The following CNBD1 variants were observed in gnomAD, a reference collection of about 807,000 sequenced individuals.
The protein encoded by CNBD1 is cyclic nucleotide-binding domain-containing protein 1.
A neutral mutation model predicts 54.4 loss-of-function variants in CNBD1; 71 were observed. The ratio of observed to expected loss-of-function variants is 1.30; its 90% CI spans 1.08 to 1.59. The LOEUF is 1.59. Among genes scored for constraint, CNBD1 ranks in the 40% most tolerant of loss-of-function variants. The pLI is 0.00. For synonymous variants in CNBD1, 182 were observed against 170.7 expected (o/e 1.07, Z -0.51); for missense variants, 659 against 518.0 (o/e 1.27, Z -2.64).
At chr8:87,058,565 A>G (rs977788194) in intron 4 of CNBD1, among the ~76,000 whole-genome samples, 3 of 152,182 alleles carry the variant, frequency 2.0e-5, no homozygotes, top group African/African-American at 7.2e-5. Flanking sequence ...CCAAACCTCA[A>G]TTCTTGTCTT....
intron 8 of CNBD1, among the ~76,000 whole-genome samples, chr8:87,340,017 G>A (rs952239951): frequency 1.1e-4 from 17 of 152,152 alleles, no homozygotes; most frequent in Middle Eastern, 3.4e-3. Flanking sequence ...TTGTGGTTTA[G>A]CATCTTTTCA....
rs555742301 is a variant in CNBD1, at chr8:87,236,035, G to T, written c.578-884G>T. On this transcript the variant is annotated intron_variant, in intron 5 of 10. Transcript: ENST00000518476. ...CTCAGAAAAAAAGCAGACATGGCAAGCATTTGATGACTTTTAGGACATTAA... is the reference window on the plus strand; with the variant it reads ...CTCAGAAAAAAAGCAGACATGGCAATCATTTGATGACTTTTAGGACATTAA... Among the ~76,000 whole-genome samples the T allele has an allele frequency of 2.2e-4, 33 of 152,152 alleles. 1 individual carries two copies. In the South Asian group the frequency reaches 6.8e-3, roughly 32 times the overall value.
chr8:87,367,953 C>A (rs980691021), intron 10 of CNBD1, among the ~76,000 whole-genome samples: 1 of 151,900 alleles, frequency 6.6e-6, no homozygotes, highest in African/African-American at 2.4e-5. Flanking sequence ...AGGTGGATCA[C>A]GAGGTCAGGA....
chr8:87,362,902 C>A (rs10283376), intron 10 of CNBD1, among the ~76,000 whole-genome samples: 1 of 151,550 alleles, frequency 6.6e-6, no homozygotes, highest in Admixed American at 6.6e-5. Context: ...AAGTTAAGAA[C>A]GTGCAGGTTT....
At chr8:87,226,047 T>C (rs2130814220) in intron 5 of CNBD1, among the ~76,000 whole-genome samples, 1 of 152,182 alleles carries the variant, frequency 6.6e-6, no homozygotes, top group East Asian at 1.9e-4. Flanking sequence ...TGTAGTATTC[T>C]CTGATGGTAG....
intron 6 of CNBD1, among the ~76,000 whole-genome samples, chr8:87,271,052 G>C (rs906276538): frequency 2.6e-5 from 4 of 151,502 alleles, no homozygotes; most frequent in African/African-American, 9.7e-5. Context: ...TTCTGAATTT[G>C]TCGTTGTATA....
Position 87,137,359 on chromosome 8 carries a change from G to A in CNBD1, c.432-68634G>A, listed in dbSNP as rs1433292983. ...CTACAGGCGCCAGCCACCATGCCAG[G>A]CTAATATTTTTGAATTTTTTTTTTT... On this transcript the variant is annotated intron_variant, in intron 4 of 10. Transcript: ENST00000518476. Among the ~76,000 whole-genome samples the A allele has an allele frequency of 2.6e-5, 4 of 151,218 alleles. No individual in the cohort carries two copies. The East Asian group carries it at 7.7e-4, about 29-fold the overall frequency.
intron 5 of CNBD1, among the ~76,000 whole-genome samples, chr8:87,211,699 G>C (rs149081759): frequency 1.2e-4 from 19 of 152,194 alleles, no homozygotes; most frequent in Middle Eastern, 3.4e-3. Flanking sequence ...TCTCCTTGAG[G>C]CTTCCTCAGA....
At chr8:87,181,344 T>G (rs969556613) in intron 4 of CNBD1, among the ~76,000 whole-genome samples, 4 of 152,204 alleles carry the variant, frequency 2.6e-5, no homozygotes, top group African/African-American at 9.6e-5. Context: ...AATATACAAA[T>G]AACAGCTCCA....
chr8:86,893,734 C>A (rs1256403199), intron 2 of CNBD1, among the ~76,000 whole-genome samples: 2 of 152,092 alleles, frequency 1.3e-5, no homozygotes, highest in Admixed American at 1.3e-4. Context: ...AGCTGACATT[C>A]AAAAAATACT....
Position 87,201,285 on chromosome 8 carries a change from A to C in CNBD1, c.432-4708A>C, listed in dbSNP as rs150910363. Among the ~76,000 whole-genome samples, 4 of 152,200 alleles carry C rather than the reference A, an allele frequency of 2.6e-5. No individual in the cohort carries two copies. In the South Asian group the frequency reaches 8.3e-4, roughly 31 times the overall value. On this transcript the variant is annotated intron_variant, in intron 4 of 10. Transcript: ENST00000518476. Reference sequence around the variant, plus strand: ...CAGTGGAAAACTCACAGCTAACTTGAAGAAAGACTGAATGATTTCTGTTGA... The same window carrying C: ...CAGTGGAAAACTCACAGCTAACTTGCAGAAAGACTGAATGATTTCTGTTGA...
At chr8:87,229,460 T>G (rs919041502) in intron 5 of CNBD1, among the ~76,000 whole-genome samples, 6 of 152,202 alleles carry the variant, frequency 3.9e-5, no homozygotes, top group Non-Finnish European at 8.8e-5. Flanking sequence ...TTAACACCAC[T>G]TTGTGCTCTG....
intron 4 of CNBD1, among the ~76,000 whole-genome samples, chr8:87,094,975 G>A (rs1811288686): frequency 6.6e-6 from 1 of 152,200 alleles, no homozygotes; most frequent in Non-Finnish European, 1.5e-5. Flanking sequence ...GGAGGCAGAG[G>A]TTGCAATGAG....
At chr8:87,385,607 C>T (rs569242564), downstream of CNBD1, among the ~76,000 whole-genome samples, 1 of 152,104 alleles carries the variant, frequency 6.6e-6, no homozygotes, top group Non-Finnish European at 1.5e-5. Flanking sequence ...AGTAGGTAAA[C>T]AAAGTGGCTG....
intron 4 of CNBD1, among the ~76,000 whole-genome samples, chr8:87,151,928 A>G (rs1053179288): frequency 4.6e-5 from 7 of 152,110 alleles, no homozygotes; most frequent in African/African-American, 1.7e-4. Flanking sequence ...TTAAAAGTTT[A>G]GCTTCTTATA....
chr8:86,967,828 TTTG>T (rs963557856), intron 4 of CNBD1, among the ~76,000 whole-genome samples: 11 of 152,106 alleles, frequency 7.2e-5, no homozygotes, highest in Middle Eastern at 3.4e-3. Flanking sequence ...AACCTGCAGT[TTTG>T]TTGTTGTTGT....
chr8:86,871,498 C>T (rs544038556), intron 1 of CNBD1, among the ~76,000 whole-genome samples: 1 of 152,338 alleles, frequency 6.6e-6, no homozygotes, highest in Admixed American at 6.5e-5. Context: ...TCCTTTAAAA[C>T]TTACATTACA....
At chr8:87,345,367 G>T (rs890169201) in intron 8 of CNBD1, among the ~76,000 whole-genome samples, 1 of 152,068 alleles carries the variant, frequency 6.6e-6, no homozygotes, top group Non-Finnish European at 1.5e-5. Flanking sequence ...TACTTGCTTA[G>T]CATCTAATCA....
intron 4 of CNBD1, among the ~76,000 whole-genome samples, chr8:87,073,260 C>G (rs568470693): frequency 1.3e-5 from 2 of 152,104 alleles, no homozygotes; most frequent in Admixed American, 6.5e-5. Flanking sequence ...CACTTTAGCT[C>G]AGTAAAGTTT....
Sources: gnomAD v4.1 joint callset for allele counts (sites outside exome capture counted in the v4.1 genomes callset) on GRCh38, gnomAD v4.1.1 for gene constraint, MANE v1.5 for transcripts, NCBI Gene and HGNC (gene_info 2026-07-23, HGNC 2026-07-21) for gene names.